Variants in SGCZ observed in about 807,000 individuals in gnomAD.
SGCZ encodes zeta-sarcoglycan.
In SGCZ, 40 loss-of-function variants were observed where a neutral mutation model predicts 41.3. The observed-to-expected ratio is 0.97, with a 90% confidence interval of 0.75 to 1.26. The LOEUF (loss-of-function observed/expected upper bound fraction) is 1.26. Among genes scored for constraint, SGCZ ranks in the 50% most tolerant of loss-of-function variants. The probability of loss-of-function intolerance (pLI) is 0.00; values close to 1 mark genes in which losing one functional copy is unlikely to be tolerated. For synonymous variants in SGCZ, 206 were observed against 137.5 expected (o/e 1.50, Z -3.49); for missense variants, 552 against 369.8 (o/e 1.49, Z -4.04).
chr8:14,828,283 G>T (rs779929095), intron 1 of SGCZ, among the ~76,000 whole-genome samples: 1 of 152,150 alleles, frequency 6.6e-6, no homozygotes, highest in Non-Finnish European at 1.5e-5. Flanking sequence ...AGGAACAAAT[G>T]ATTTATGTCA....
rs1008903297 is a variant in SGCZ, at chr8:14,086,445, G to A, written c.*3998C>T. Among the ~76,000 whole-genome samples, 1 of 151,630 alleles carries A rather than the reference G, an allele frequency of 6.6e-6. No individual in the cohort carries two copies. The highest frequency in any genetic ancestry group is 1.5e-5 in the Non-Finnish European group (1 of 67,720). On this transcript the variant is annotated 3_prime_UTR_variant, in exon 8 of 8. Coordinates refer to ENST00000382080, the MANE Select transcript of SGCZ (RefSeq NM_139167.4). Reference sequence around the variant, plus strand: ...GTAAAACGAGGCATTCTCTGATTGAGTCATTCGATAGAATATGTAGGAATT... The same window carrying A: ...GTAAAACGAGGCATTCTCTGATTGAATCATTCGATAGAATATGTAGGAATT...
intron 2 of SGCZ, among the ~76,000 whole-genome samples, chr8:14,411,965 G>C (rs1003834353): frequency 6.6e-6 from 1 of 152,098 alleles, no homozygotes; most frequent in African/African-American, 2.4e-5. Context: ...GCTGGGAAGA[G>C]TATACTGAGT....
chr8:14,291,533 A>G (rs927687803), intron 3 of SGCZ, among the ~76,000 whole-genome samples: 13 of 152,020 alleles, frequency 8.6e-5, no homozygotes, highest in African/African-American at 3.1e-4. Context: ...AGTAATCCCT[A>G]AAATTGAAAT....
At chr8:14,501,127 G>C (rs1271240818) in intron 2 of SGCZ, among the ~76,000 whole-genome samples, 1 of 151,930 alleles carries the variant, frequency 6.6e-6, no homozygotes, top group Admixed American at 6.6e-5. Flanking sequence ...GCCTTTTCCA[G>C]CTTCTAGAGA....
At chr8:14,477,600 T>C (rs73525374) in intron 2 of SGCZ, among the ~76,000 whole-genome samples, 2,670 of 152,256 alleles carry the variant, frequency 0.018, 93 homozygotes, top group African/African-American at 0.061. Context: ...AAACAATATA[T>C]ACAAAAGGTT....
At position 14,518,507 on chromosome 8, in the gene SGCZ, C is replaced by T. The variant is rs80036626; in HGVS notation, c.234+36225G>A. Among the ~76,000 whole-genome samples the T allele has an allele frequency of 9.6e-3, 1,454 of 152,050 alleles. 27 individuals are homozygous for T. The highest frequency in any genetic ancestry group is 0.034 in the African/African-American group (1,401 of 41,490). ...TATAATGTGATATGGTAGCAGATTG[C>T]AGAATTTGGGAAAATCAGTTAATAT... On this transcript the variant is annotated intron_variant, in intron 2 of 7. Coordinates refer to ENST00000382080, the MANE Select transcript of SGCZ (RefSeq NM_139167.4).
chr8:14,139,393 A>C (rs1231350693), intron 5 of SGCZ, among the ~76,000 whole-genome samples: 1 of 152,212 alleles, frequency 6.6e-6, no homozygotes, highest in African/African-American at 2.4e-5. Flanking sequence ...CAAAAAATCA[A>C]TGAATCCAGG....
intron 1 of SGCZ, among the ~76,000 whole-genome samples, chr8:14,652,334 CAA>C (rs34266117): frequency 0.34 from 16,237 of 47,316 alleles, 2,094 homozygotes; most frequent in South Asian, 0.44. Context: ...CAGCAAGACT[CAA>C]AAAAAAAAAA....
chr8:14,656,988 T>G (rs888748678), intron 1 of SGCZ, among the ~76,000 whole-genome samples: 6 of 151,998 alleles, frequency 3.9e-5, no homozygotes, highest in Non-Finnish European at 8.8e-5. Context: ...TATATGTCTA[T>G]ATATAAAATT....
chr8:14,813,868 A>T (rs1260088146), intron 1 of SGCZ, among the ~76,000 whole-genome samples: 1 of 152,064 alleles, frequency 6.6e-6, no homozygotes, highest in African/African-American at 2.4e-5. Flanking sequence ...CAGAAGAATC[A>T]CTTGAACCCT....
chr8:15,002,418 T>G (rs545386090), intron 1 of SGCZ, among the ~76,000 whole-genome samples: 4 of 152,294 alleles, frequency 2.6e-5, no homozygotes, highest in Non-Finnish European at 5.9e-5. Flanking sequence ...ATTTTAAGGT[T>G]TCTGAGGCTT....
At chr8:15,100,764 C>T (rs958946486) in intron 1 of SGCZ, among the ~76,000 whole-genome samples, 1 of 152,140 alleles carries the variant, frequency 6.6e-6, no homozygotes, top group Non-Finnish European at 1.5e-5. Flanking sequence ...CGGAGAATCA[C>T]TTAACCCCAG....
At chr8:14,312,296 T>C (rs561553759) in intron 3 of SGCZ, among the ~76,000 whole-genome samples, 1 of 152,334 alleles carries the variant, frequency 6.6e-6, no homozygotes, top group East Asian at 1.9e-4. Flanking sequence ...AATATATTTT[T>C]TGTGGTCTGC....
At chr8:14,895,469 T>C (rs10503518) in intron 1 of SGCZ, among the ~76,000 whole-genome samples, 2,349 of 152,222 alleles carry the variant, frequency 0.015, 25 homozygotes, top group Non-Finnish European at 0.024. Context: ...AGCTGTTTTA[T>C]TAGTGTGATA....
intron 1 of SGCZ, among the ~76,000 whole-genome samples, chr8:15,080,314 C>T (rs919093334): frequency 6.6e-6 from 1 of 152,002 alleles, no homozygotes; most frequent in African/African-American, 2.4e-5. Context: ...CCTGCCTCAC[C>T]GAAGGACTCT....
chr8:15,035,033 C>A (rs1028818781), intron 1 of SGCZ, among the ~76,000 whole-genome samples: 2 of 152,010 alleles, frequency 1.3e-5, no homozygotes, highest in Admixed American at 6.6e-5. Context: ...GACTCATAAA[C>A]AAGTACATAG....
At chr8:14,246,987 T>A (rs1446429500) in intron 3 of SGCZ, among the ~76,000 whole-genome samples, 1 of 152,012 alleles carries the variant, frequency 6.6e-6, no homozygotes, top group Non-Finnish European at 1.5e-5. Context: ...ATCTAATTAT[T>A]GAAATTTTTA....
intron 4 of SGCZ, among the ~76,000 whole-genome samples, chr8:14,204,249 C>G (rs988223747): frequency 6.7e-6 from 1 of 149,328 alleles, no homozygotes; most frequent in African/African-American, 2.5e-5. Context: ...ATGGATCTTG[C>G]TATTTGGGTT....
intron 1 of SGCZ, among the ~76,000 whole-genome samples, chr8:14,597,256 A>G (rs1563141707): frequency 1.3e-5 from 2 of 152,246 alleles, no homozygotes; most frequent in African/African-American, 4.8e-5. Context: ...GCAGTCTTAA[A>G]GGAAACTTTG....
Sources: gnomAD v4.1 joint callset for allele counts (sites outside exome capture counted in the v4.1 genomes callset) on GRCh38, gnomAD v4.1.1 for gene constraint, MANE v1.5 for transcripts, NCBI Gene and HGNC (gene_info 2026-07-23, HGNC 2026-07-21) for gene names.